Variants in ARAP2 observed in about 807,000 individuals in gnomAD.
The protein encoded by ARAP2 is arf-GAP with Rho-GAP domain, ANK repeat and PH domain-containing protein 2.
Under a neutral mutation model 194.5 loss-of-function variants are expected in ARAP2, and 148 were observed. The observed-to-expected ratio is 0.76, with a 90% CI of 0.67 to 0.87. ARAP2 has a LOEUF of 0.87. Ranked by LOEUF, ARAP2 falls within the 40% of genes least tolerant of loss-of-function variation. The pLI is 0.00. For synonymous variants in ARAP2, 695 were observed against 683.5 expected (o/e 1.02, Z -0.26); for missense variants, 2,128 against 1,989.7 (o/e 1.07, Z -1.32).
exon 2 of ARAP2, chr4:36,058,091 A>G (rs1723816413): frequency 6.6e-6 from 1 of 152,190 alleles, no homozygotes; most frequent in South Asian, 2.1e-4. Flanking sequence ...TGCTCCAACC[A>G]TATGGCTTCC....
At chr4:36,163,396 G>A (rs1016936149) in intron 11 of ARAP2, among the ~76,000 whole-genome samples, 4 of 152,132 alleles carry the variant, frequency 2.6e-5, no homozygotes, top group East Asian at 1.9e-4. Context: ...TGACCACACC[G>A]AAACTGAGAG....
intron 5 of ARAP2, among the ~76,000 whole-genome samples, chr4:36,045,480 AT>A (rs1439825627): frequency 2.0e-5 from 3 of 152,286 alleles, no homozygotes; most frequent in Non-Finnish European, 1.5e-5. Context: ...CATGTGGAAT[AT>A]AAAAAAGTTG....
intron 5 of ARAP2, among the ~76,000 whole-genome samples, chr4:36,030,394 T>A (rs1480366793): frequency 2.0e-5 from 3 of 152,158 alleles, no homozygotes; most frequent in Non-Finnish European, 2.9e-5. Flanking sequence ...AGATGGCAAT[T>A]CTGAGTTAAT....
At position 36,091,862 on chromosome 4, in the gene ARAP2, G is replaced by T. The variant is rs533065429; in HGVS notation, c.4425+19C>A. The T allele has an allele frequency of 1.3e-6, 2 of 1,553,592 alleles. No homozygotes were observed. Among genetic ancestry groups the T allele is most frequent in the East Asian group, 4.6e-5 (2 of 43,638 alleles). ...AATACCCACACAAATAAAAATGTAC[G>T]CATGTTCAAATACTATACCTTCACA... On this transcript the variant is annotated intron_variant, in intron 28 of 32. Transcript: ENST00000303965.
At chr4:36,192,023 A>T (rs1742011026) in intron 7 of ARAP2, among the ~76,000 whole-genome samples, 1 of 152,100 alleles carries the variant, frequency 6.6e-6, no homozygotes. Flanking sequence ...ACATTAAAAG[A>T]CCCAACTGTT....
chr4:36,214,383 G>A (rs770824320), intron 3 of ARAP2, 39 bp downstream of exon 3: 34 of 1,532,384 alleles, frequency 2.2e-5, no homozygotes, highest in Non-Finnish European at 2.7e-5. Context: ...ACTATCAAAT[G>A]AGCTCTAATT....
chr4:36,026,103 T>C (rs976543707), intron 5 of ARAP2, among the ~76,000 whole-genome samples: 1 of 152,196 alleles, frequency 6.6e-6, no homozygotes, highest in Non-Finnish European at 1.5e-5. Context: ...CTATTTTAAA[T>C]AGTTGTTGCT....
chr4:36,197,418 C>T (rs1743361340), intron 6 of ARAP2, among the ~76,000 whole-genome samples: 1 of 152,226 alleles, frequency 6.6e-6, no homozygotes, highest in African/African-American at 2.4e-5. Flanking sequence ...TTCATCCTTA[C>T]TTTTATTTTT....
downstream of ARAP2, among the ~76,000 whole-genome samples, chr4:36,062,629 T>TGAGA (rs71653569): frequency 2.4e-5 from 3 of 126,104 alleles, no homozygotes; most frequent in African/African-American, 5.7e-5. Context: ...GTAATTTGTG[T>TGAGA]GAGAGTGTGT....
intron 6 of ARAP2, among the ~76,000 whole-genome samples, chr4:36,210,113 C>T (rs1324117632): frequency 2.6e-5 from 4 of 152,088 alleles, no homozygotes; most frequent in Non-Finnish European, 5.9e-5. Context: ...TTGATGCGAA[C>T]TTAGAAGGTA....
intron 2 of ARAP2, among the ~76,000 whole-genome samples, chr4:36,223,455 T>C (rs1421696911): frequency 6.6e-6 from 1 of 152,144 alleles, no homozygotes; most frequent in Non-Finnish European, 1.5e-5. Flanking sequence ...GCCTGTGGAA[T>C]GTAATATGTT....
At chr4:36,045,721 A>G (rs1162299489) in intron 5 of ARAP2, among the ~76,000 whole-genome samples, 1 of 152,218 alleles carries the variant, frequency 6.6e-6, no homozygotes, top group Non-Finnish European at 1.5e-5. Context: ...CAAGGAATGT[A>G]TAAATATGTG....
intron 26 of ARAP2, among the ~76,000 whole-genome samples, chr4:36,110,248 T>C (rs1485623830): frequency 2.0e-5 from 3 of 151,904 alleles, no homozygotes; most frequent in Non-Finnish European, 4.4e-5. Flanking sequence ...AGGTAACATA[T>C]GCAAAGTGAA....
intron 27 of ARAP2, among the ~76,000 whole-genome samples, chr4:36,095,200 G>C (rs901197670): frequency 1.3e-5 from 2 of 152,150 alleles, no homozygotes; most frequent in Non-Finnish European, 1.5e-5. Context: ...AGAGGAGGCA[G>C]AGCCACCAGC....
chr4:36,241,729 T>C (rs927811802), intron 1 of ARAP2, among the ~76,000 whole-genome samples: 5 of 152,182 alleles, frequency 3.3e-5, no homozygotes, highest in Non-Finnish European at 7.3e-5. Context: ...AACACTTAAA[T>C]TGTAATGGTG....
At chr4:36,192,747 C>T (rs1048093652) in intron 7 of ARAP2, among the ~76,000 whole-genome samples, 1 of 152,168 alleles carries the variant, frequency 6.6e-6, no homozygotes, top group African/African-American at 2.4e-5. Flanking sequence ...TCTGTAATTC[C>T]AGCACTTTGG....
chr4:36,223,547 G>T (rs1179547756), intron 2 of ARAP2, among the ~76,000 whole-genome samples: 1 of 152,098 alleles, frequency 6.6e-6, no homozygotes, highest in Non-Finnish European at 1.5e-5. Context: ...AAAAACTATT[G>T]TTGTGAATAA....
chr4:36,118,852 A>G (rs769223208), intron 24 of ARAP2, among the ~76,000 whole-genome samples: 5 of 151,324 alleles, frequency 3.3e-5, no homozygotes, highest in Non-Finnish European at 7.4e-5. Flanking sequence ...GCCTTCCTCT[A>G]TTTTCTTTAT....
chr4:36,082,924 A>G (rs1729912463), intron 29 of ARAP2, among the ~76,000 whole-genome samples: 1 of 152,108 alleles, frequency 6.6e-6, no homozygotes, highest in Non-Finnish European at 1.5e-5. Context: ...TCAGCATAGT[A>G]AAAAGGGAAA....
Sources: allele counts gnomAD v4.1 joint callset (sites outside exome capture counted in the v4.1 genomes callset), GRCh38; gene constraint gnomAD v4.1.1; transcripts MANE v1.5; gene names NCBI Gene and HGNC (gene_info 2026-07-23, HGNC 2026-07-21).